Variants in ERC2 observed in about 807,000 individuals in gnomAD.
ERC2 encodes ELKS/RAB6-interacting/CAST family member 2, also known as ERC protein 2.
In ERC2, 42 loss-of-function variants were observed where a neutral mutation model predicts 114.8. The observed-to-expected ratio is 0.37, with a 90% CI of 0.29 to 0.47. The LOEUF (loss-of-function observed/expected upper bound fraction) is 0.47. Among genes scored for constraint, ERC2 ranks in the 20% least tolerant of loss-of-function variants. The probability of loss-of-function intolerance (pLI) is 0.99; values close to 1 mark genes in which losing one functional copy is unlikely to be tolerated. For missense variants in ERC2, 939 were observed against 1,150.7 expected, an observed-to-expected ratio of 0.82 and a Z score of 2.66; for synonymous variants, 454 against 425.5, an observed-to-expected ratio of 1.07 and a Z score of -0.82.
At chr3:56,310,398 T>C (rs1224272118) in intron 2 of ERC2, among the ~76,000 whole-genome samples, 3 of 152,224 alleles carry the variant, frequency 2.0e-5, no homozygotes, top group Non-Finnish European at 2.9e-5. Flanking sequence ...GTTTTAAAGG[T>C]TTTATTGAAA....
At chr3:56,126,522 T>C (rs947652955) in intron 6 of ERC2, among the ~76,000 whole-genome samples, 6 of 152,026 alleles carry the variant, frequency 3.9e-5, no homozygotes, top group African/African-American at 1.4e-4. Flanking sequence ...CTGTGAGAGG[T>C]TGAGGCACAA....
chr3:56,264,934 C>T (rs1303961547), intron 3 of ERC2, among the ~76,000 whole-genome samples: 1 of 151,534 alleles, frequency 6.6e-6, no homozygotes, highest in East Asian at 1.9e-4. Context: ...AACTATAACA[C>T]ATTGATAAAA....
intron 7 of ERC2, among the ~76,000 whole-genome samples, chr3:56,034,341 T>C (rs1238592619): frequency 6.6e-6 from 1 of 151,954 alleles, no homozygotes; most frequent in Non-Finnish European, 1.5e-5. Context: ...ATTAAGGAAA[T>C]ATAACCAAAA....
chr3:56,055,041 T>G (rs1439607334), intron 7 of ERC2, among the ~76,000 whole-genome samples: 1 of 152,190 alleles, frequency 6.6e-6, no homozygotes, highest in East Asian at 1.9e-4. Context: ...GGTTGCAGCA[T>G]TCATTACCTC....
intron 14 of ERC2, among the ~76,000 whole-genome samples, chr3:55,833,080 A>G (rs1427134064): frequency 1.3e-5 from 2 of 149,266 alleles, no homozygotes; most frequent in South Asian, 2.2e-4. Flanking sequence ...AAAGAAATGA[A>G]CAAAGCCTCC....
rs1576290814 is a variant in ERC2 at position 55,940,784 on chromosome 3, C to T, written c.2403+9641G>A. Reference sequence around the variant, plus strand: ...ATTTAAGAAGCATTTAAGTCTAACTCACTACTTAAAATAAAGCTTAATCCG... The same window carrying T: ...ATTTAAGAAGCATTTAAGTCTAACTTACTACTTAAAATAAAGCTTAATCCG... On this transcript the variant is annotated intron_variant, in intron 13 of 17. Coordinates refer to ENST00000288221, the MANE Select transcript of ERC2 (RefSeq NM_015576.3). Among the ~76,000 whole-genome samples, 6 of 152,280 alleles carry T rather than the reference C, an allele frequency of 3.9e-5. No homozygotes were observed. The South Asian group carries it at 1.2e-3, about 32-fold the overall frequency.
At chr3:55,648,726 C>A (rs2060491462) in intron 17 of ERC2, among the ~76,000 whole-genome samples, 1 of 152,132 alleles carries the variant, frequency 6.6e-6, no homozygotes, top group African/African-American at 2.4e-5. Context: ...TCCCTTTGCC[C>A]TGGTTCAGAG....
intron 1 of ERC2, among the ~76,000 whole-genome samples, chr3:56,465,671 A>C (rs1319944756): frequency 1.3e-5 from 2 of 152,220 alleles, no homozygotes; most frequent in East Asian, 3.8e-4. Context: ...AGTCATCATC[A>C]TTAAGTTTGG....
At chr3:56,411,425 G>A (rs775762636) in intron 2 of ERC2, among the ~76,000 whole-genome samples, 5 of 151,770 alleles carry the variant, frequency 3.3e-5, no homozygotes, top group East Asian at 3.9e-4. Flanking sequence ...TCAGCACGCC[G>A]GAAAGTATAA....
chr3:56,369,977 G>T (rs2059302626), intron 2 of ERC2, among the ~76,000 whole-genome samples: 1 of 152,068 alleles, frequency 6.6e-6, no homozygotes, highest in South Asian at 2.1e-4. Context: ...GCCCGGCCTG[G>T]ATACTACTTC....
chr3:55,932,420 A>C (rs966177592), intron 13 of ERC2, among the ~76,000 whole-genome samples: 2 of 152,202 alleles, frequency 1.3e-5, no homozygotes, highest in Non-Finnish European at 2.9e-5. Context: ...TAACAACCCT[A>C]AGAGATGGAT....
intron 2 of ERC2, among the ~76,000 whole-genome samples, chr3:56,346,446 A>G (rs1229183757): frequency 6.6e-6 from 1 of 152,186 alleles, no homozygotes; most frequent in Non-Finnish European, 1.5e-5. Context: ...TTATGTTGCT[A>G]TGAAGGAATA....
At chr3:55,605,664 T>C (rs2058611957) in intron 17 of ERC2, among the ~76,000 whole-genome samples, 1 of 152,190 alleles carries the variant, frequency 6.6e-6, no homozygotes, top group Admixed American at 6.5e-5. Flanking sequence ...AAGTATGTGA[T>C]TTACTTCTGT....
intron 15 of ERC2, among the ~76,000 whole-genome samples, chr3:55,719,244 T>C (rs1430903363): frequency 1.3e-5 from 2 of 152,184 alleles, no homozygotes; most frequent in African/African-American, 4.8e-5. Context: ...TCATGCTGTG[T>C]CCTCTGAGAA....
At chr3:55,512,870 G>C (rs886084427) in intron 17 of ERC2, among the ~76,000 whole-genome samples, 1 of 152,132 alleles carries the variant, frequency 6.6e-6, no homozygotes. Flanking sequence ...GGCCTAAATG[G>C]CTTTAAGGAA....
chr3:55,531,587 A>C (rs375989486), intron 17 of ERC2, among the ~76,000 whole-genome samples: 13 of 152,310 alleles, frequency 8.5e-5, no homozygotes, highest in Non-Finnish European at 1.6e-4. Context: ...CCCTTTTAAA[A>C]GATGATGAAA....
At chr3:56,085,537 A>G (rs1013816594) in intron 6 of ERC2, among the ~76,000 whole-genome samples, 6 of 152,182 alleles carry the variant, frequency 3.9e-5, no homozygotes, top group African/African-American at 1.4e-4. Flanking sequence ...TCCTCTTCCT[A>G]AATGAAAATT....
chr3:55,619,688 G>A (rs1285239573), intron 17 of ERC2, among the ~76,000 whole-genome samples: 1 of 152,192 alleles, frequency 6.6e-6, no homozygotes, highest in Non-Finnish European at 1.5e-5. Context: ...TGGTAGACAT[G>A]TACAAAAATT....
intron 7 of ERC2, among the ~76,000 whole-genome samples, chr3:56,025,900 G>C (rs915443990): frequency 6.6e-6 from 1 of 151,988 alleles, no homozygotes; most frequent in Non-Finnish European, 1.5e-5. Context: ...AGAGAATTCT[G>C]TGAGTGGAAT....
Sources: allele counts gnomAD v4.1 joint callset (sites outside exome capture counted in the v4.1 genomes callset), GRCh38; gene constraint gnomAD v4.1.1; transcripts MANE v1.5; gene names NCBI Gene and HGNC (gene_info 2026-07-23, HGNC 2026-07-21).